The following CWC27 variants were observed in gnomAD, a reference collection of about 807,000 sequenced individuals.
The protein encoded by CWC27 is CWC27 spliceosome associated cyclophilin.
A neutral mutation model predicts 63.6 loss-of-function variants in CWC27; 47 were observed. The observed-to-expected ratio is 0.74, with a 90% CI of 0.58 to 0.94. The LOEUF (loss-of-function observed/expected upper bound fraction) is 0.94, where lower values mean the gene tolerates loss of function less well. CWC27 is among the 40% of genes least tolerant of loss of function. CWC27 has a pLI of 0.00. For synonymous variants in CWC27, 175 were observed against 179.8 expected (o/e 0.97, Z 0.22); for missense variants, 495 against 554.3 (o/e 0.89, Z 1.07).
At chr5:64,919,790 CTGTT>C (rs1747962266) in intron 11 of CWC27, among the ~76,000 whole-genome samples, 1 of 152,104 alleles carries the variant, frequency 6.6e-6, no homozygotes, top group African/African-American at 2.4e-5. Context: ...ATGTCCTTGT[CTGTT>C]CTTGCTTTGG....
chr5:64,854,629 G>A (rs1431568247), intron 10 of CWC27, among the ~76,000 whole-genome samples: 1 of 152,170 alleles, frequency 6.6e-6, no homozygotes, highest in Non-Finnish European at 1.5e-5. Context: ...AGTTGATCTT[G>A]GATAGAGATT....
chr5:64,987,971 C>G (rs1239122635), intron 13 of CWC27, among the ~76,000 whole-genome samples: 1 of 152,060 alleles, frequency 6.6e-6, no homozygotes, highest in Non-Finnish European at 1.5e-5. Flanking sequence ...TGTCTTTCAC[C>G]AAATTTGGGA....
rs538186283 is a variant in CWC27 at position 64,930,112 on chromosome 5, A to G, written c.1043-41591A>G. On this transcript the variant is annotated intron_variant, in intron 11 of 13. Coordinates refer to ENST00000381070, the MANE Select transcript of CWC27 (RefSeq NM_005869.4). ...TCTACATGAAAGAAGCCAGAATACA[A>G]AAGACCATGAATTATATGATTCCAT... Among the ~76,000 whole-genome samples, 11 of 152,326 alleles carry G rather than the reference A, an allele frequency of 7.2e-5. 1 individual carries two copies. In the East Asian group the frequency reaches 1.3e-3, roughly 19 times the overall value.
chr5:64,993,987 T>C (rs1348375712), intron 13 of CWC27, among the ~76,000 whole-genome samples: 2 of 152,222 alleles, frequency 1.3e-5, no homozygotes, highest in Non-Finnish European at 2.9e-5. Context: ...TTCTACATAG[T>C]TGTCTGTATT....
intron 3 of CWC27, 145 bp from the exon 4 acceptor site, chr5:64,783,691 A>T (rs563866106): frequency 1.5e-6 from 1 of 653,798 alleles, no homozygotes; most frequent in South Asian, 3.0e-5. Context: ...TAACATTGAA[A>T]GAATAGTAAA....
At chr5:64,889,677 G>A (rs1433953401) in intron 11 of CWC27, among the ~76,000 whole-genome samples, 1 of 152,184 alleles carries the variant, frequency 6.6e-6, no homozygotes, top group Non-Finnish European at 1.5e-5. Flanking sequence ...TGTAATCCCA[G>A]CACTTTGGGA....
At chr5:65,000,016 C>T (rs1749705009) in intron 13 of CWC27, among the ~76,000 whole-genome samples, 1 of 151,938 alleles carries the variant, frequency 6.6e-6, no homozygotes, top group Non-Finnish European at 1.5e-5. Context: ...CTGTCTCTTT[C>T]ATAATGACCA....
chr5:64,952,507 G>T (rs1561168634), intron 11 of CWC27, among the ~76,000 whole-genome samples: 1 of 151,916 alleles, frequency 6.6e-6, no homozygotes, highest in Non-Finnish European at 1.5e-5. Flanking sequence ...ATGAACAAAA[G>T]CACAGATTTA....
chr5:65,001,181 A>T (rs1475288436), intron 13 of CWC27, among the ~76,000 whole-genome samples: 1 of 152,014 alleles, frequency 6.6e-6, no homozygotes, highest in East Asian at 1.9e-4. Flanking sequence ...TTTGTCCTGC[A>T]ATTTTACTCA....
chr5:64,889,172 G>A (rs1747159693), intron 11 of CWC27, among the ~76,000 whole-genome samples: 1 of 152,034 alleles, frequency 6.6e-6, no homozygotes, highest in Admixed American at 6.6e-5. Flanking sequence ...AAGGAGACAT[G>A]GCAAATAAAT....
intron 10 of CWC27, chr5:64,807,809 G>A (rs1744741279): frequency 1.3e-6 from 2 of 1,534,080 alleles, no homozygotes; most frequent in Non-Finnish European, 1.7e-6. Flanking sequence ...TGAAATGAGA[G>A]TAAATTTCTT....
At chr5:64,931,654 A>G (rs1748238938) in intron 11 of CWC27, among the ~76,000 whole-genome samples, 2 of 151,866 alleles carry the variant, frequency 1.3e-5, no homozygotes, top group African/African-American at 4.8e-5. Context: ...CCTTCCCAAA[A>G]CTACTCACGA....
intron 11 of CWC27, among the ~76,000 whole-genome samples, chr5:64,938,969 G>A (rs148315564): frequency 0.014 from 2,112 of 152,210 alleles, 27 homozygotes; most frequent in African/African-American, 0.038. Context: ...GTCATTTAAT[G>A]TCTTCTCTAC....
chr5:64,942,474 CATTGCAATAGATCTCTTTAAAAT>C (rs1342503558), intron 11 of CWC27, among the ~76,000 whole-genome samples: 1 of 135,252 alleles, frequency 7.4e-6, no homozygotes, highest in African/African-American at 2.9e-5. Flanking sequence ...AAAAGAAAAA[CATTGCAATAGATCTCTTTAAAAT>C]AAATGGCCAA....
chr5:64,826,728 A>G (rs1162253636), intron 10 of CWC27, among the ~76,000 whole-genome samples: 1 of 150,796 alleles, frequency 6.6e-6, no homozygotes, highest in Non-Finnish European at 1.5e-5. Context: ...TAATATCACA[A>G]TGTAATACAA....
At chr5:64,948,438 C>G (rs552646430) in intron 11 of CWC27, among the ~76,000 whole-genome samples, 1 of 151,336 alleles carries the variant, frequency 6.6e-6, no homozygotes, top group East Asian at 1.9e-4. Flanking sequence ...AGTAGATGTA[C>G]TAACCGTATA....
At chr5:64,855,408 T>G (rs1222927770) in intron 10 of CWC27, among the ~76,000 whole-genome samples, 1 of 152,160 alleles carries the variant, frequency 6.6e-6, no homozygotes, top group Non-Finnish European at 1.5e-5. Context: ...CTTCCCATTA[T>G]ATAGATAATG....
At chr5:64,879,846 AC>A (rs1194494299) in intron 10 of CWC27, among the ~76,000 whole-genome samples, 2 of 151,528 alleles carry the variant, frequency 1.3e-5, no homozygotes, top group African/African-American at 4.8e-5. Flanking sequence ...AAATATTGTC[AC>A]TTTACTCACA....
chr5:64,814,254 T>C (rs2112233895), intron 10 of CWC27, among the ~76,000 whole-genome samples: 1 of 152,242 alleles, frequency 6.6e-6, no homozygotes, highest in Non-Finnish European at 1.5e-5. Flanking sequence ...CACAGTCATT[T>C]AGTTCTTCCT....
Sources: allele counts gnomAD v4.1 joint callset (sites outside exome capture counted in the v4.1 genomes callset), GRCh38; gene constraint gnomAD v4.1.1; transcripts MANE v1.5; gene names NCBI Gene and HGNC (gene_info 2026-07-23, HGNC 2026-07-21).